Variants in NEK10 observed in about 807,000 individuals in gnomAD.
The protein encoded by NEK10 is serine/threonine-protein kinase Nek10.
NEK10 carries 122 observed loss-of-function variants against 159.8 expected under a neutral mutation model. The observed-to-expected ratio is 0.76, with a 90% CI of 0.66 to 0.89. The LOEUF is 0.89. Among genes scored for constraint, NEK10 ranks in the 40% least tolerant of loss-of-function variants. The pLI is 0.00. For synonymous variants in NEK10, 466 were observed against 457.1 expected (o/e 1.02, Z -0.25); for missense variants, 1,342 against 1,323.1 (o/e 1.01, Z -0.22).
At chr3:27,131,300 G>A (rs1487323479) in intron 32 of NEK10, among the ~76,000 whole-genome samples, 1 of 152,026 alleles carries the variant, frequency 6.6e-6, no homozygotes, top group East Asian at 1.9e-4. Flanking sequence ...CAGGACAAAG[G>A]GATTTTCCAA....
At chr3:27,345,971 G>GTAA (rs56104872) in intron 4 of NEK10, 115 bp downstream of exon 4, 86 of 901,754 alleles carry the variant, frequency 9.5e-5, no homozygotes, top group African/African-American at 4.0e-4. Context: ...ATTAAGAATC[G>GTAA]CTATGGTAAA....
At chr3:27,291,197 G>A (rs113815698) in intron 18 of NEK10, 65 bp downstream of exon 18, 4 of 1,422,722 alleles carry the variant, frequency 2.8e-6, no homozygotes, top group Admixed American at 2.1e-5. Context: ...ATTGAATATC[G>A]GTGTGCAAGT....
At chr3:27,167,125 C>A (rs180777566) in intron 29 of NEK10, among the ~76,000 whole-genome samples, 190 of 151,812 alleles carry the variant, frequency 1.3e-3, no homozygotes, top group African/African-American at 4.3e-3. Flanking sequence ...AGAAGGCAAG[C>A]AGACGTGGAG....
chr3:27,347,564 A>C (rs895099457), intron 3 of NEK10, among the ~76,000 whole-genome samples: 6 of 151,454 alleles, frequency 4.0e-5, no homozygotes, highest in Non-Finnish European at 7.4e-5. Flanking sequence ...AATATGCCTG[A>C]CTTTTTATAA....
At chr3:27,294,989 C>A (rs929866326) in intron 15 of NEK10, among the ~76,000 whole-genome samples, 3 of 152,076 alleles carry the variant, frequency 2.0e-5, no homozygotes, top group Non-Finnish European at 4.4e-5. Flanking sequence ...GCAGCTCACC[C>A]TTTACTCAGC....
At chr3:27,332,957 C>CA (rs1291006258) in intron 5 of NEK10, among the ~76,000 whole-genome samples, 1 of 152,176 alleles carries the variant, frequency 6.6e-6, no homozygotes, top group Non-Finnish European at 1.5e-5. Flanking sequence ...CCAGGAGTAA[C>CA]AATTCAAGAG....
At chr3:27,230,056 AG>A (rs1276490750) in intron 23 of NEK10, among the ~76,000 whole-genome samples, 1 of 152,086 alleles carries the variant, frequency 6.6e-6, no homozygotes, top group African/African-American at 2.4e-5. Context: ...TCATCACAAA[AG>A]CACATAGTTA....
chr3:27,313,644 T>C (rs1424136683), intron 7 of NEK10, among the ~76,000 whole-genome samples: 4 of 152,152 alleles, frequency 2.6e-5, no homozygotes, highest in African/African-American at 9.7e-5. Flanking sequence ...TATGCATATA[T>C]ATATACATAT....
intron 5 of NEK10, among the ~76,000 whole-genome samples, chr3:27,324,647 A>C (rs1000398393): frequency 7.9e-5 from 12 of 152,088 alleles, no homozygotes; most frequent in Non-Finnish European, 1.8e-4. Flanking sequence ...GAGCCATTGC[A>C]AAAGCCTCCT....
intron 5 of NEK10, among the ~76,000 whole-genome samples, chr3:27,326,177 G>T (rs970130610): frequency 2.0e-5 from 3 of 152,170 alleles, no homozygotes; most frequent in African/African-American, 7.2e-5. Context: ...TTATTCTAAA[G>T]CTCCTAATAC....
intron 26 of NEK10, among the ~76,000 whole-genome samples, chr3:27,186,866 G>A (rs938140466): frequency 9.2e-5 from 14 of 152,176 alleles, no homozygotes; most frequent in African/African-American, 3.4e-4. Flanking sequence ...TGGGCTGTGT[G>A]TGGTGTGGAT....
At chr3:27,114,961 G>A (rs997676535) in intron 35 of NEK10, among the ~76,000 whole-genome samples, 2 of 152,106 alleles carry the variant, frequency 1.3e-5, no homozygotes, top group Non-Finnish European at 1.5e-5. Context: ...AAAGCACGCT[G>A]GCAGATTTCT....
intron 22 of NEK10, among the ~76,000 whole-genome samples, chr3:27,281,735 A>G (rs978778111): frequency 6.6e-6 from 1 of 152,238 alleles, no homozygotes; most frequent in Middle Eastern, 3.4e-3. Context: ...GGAGTCTACA[A>G]TCGGAAGACC....
In NEK10 at chr3:27,331,262, A is replaced by AAAAAAAAAAACAC; in HGVS notation, c.363-9002_363-9001insGTGTTTTTTTTTT. On this transcript the variant is annotated intron_variant, in intron 5 of 35. Transcript: ENST00000691995. Reference sequence around the variant, plus strand: ...CAAAAAAAAAAAAACAAAAAAAAAAAACACACAAACCTAAGACTTTTGAGG... The same window carrying AAAAAAAAAAACAC: ...CAAAAAAAAAAAAACAAAAAAAAAAAAAAAAAAAAACACACACACAAACCTAAGACTTTTGAGG... Among the ~76,000 whole-genome samples, 145 of 110,106 alleles carry AAAAAAAAAAACAC rather than the reference A, an allele frequency of 1.3e-3. 5 individuals carry two copies. The highest frequency in any genetic ancestry group is 2.7e-3 in the South Asian group (8 of 2,962). 72.2% of individuals were successfully genotyped at this position (110,106 alleles called of 152,430 possible). A position where few individuals can be genotyped will look rare whatever the true frequency, so the allele number is the denominator to read the frequency against.
chr3:27,258,215 G>A (rs1270353605), intron 22 of NEK10, among the ~76,000 whole-genome samples: 2 of 151,978 alleles, frequency 1.3e-5, no homozygotes, highest in Non-Finnish European at 2.9e-5. Context: ...TGTCATGTAT[G>A]TATTATATAT....
At chr3:27,117,451 A>C (rs1364915605) in intron 33 of NEK10, among the ~76,000 whole-genome samples, 1 of 152,204 alleles carries the variant, frequency 6.6e-6, no homozygotes, top group Non-Finnish European at 1.5e-5. Flanking sequence ...GCAACAGTGT[A>C]AAAGCATTCC....
At chr3:27,187,987 T>G (rs1267300883) in intron 26 of NEK10, among the ~76,000 whole-genome samples, 1 of 152,202 alleles carries the variant, frequency 6.6e-6, no homozygotes, top group Non-Finnish European at 1.5e-5. Context: ...TTTTTGGTCC[T>G]GGGGCTGTCC....
chr3:27,126,376 A>C (rs1477492980), intron 32 of NEK10, among the ~76,000 whole-genome samples: 5 of 152,208 alleles, frequency 3.3e-5, no homozygotes, highest in Non-Finnish European at 7.4e-5. Flanking sequence ...CAGCATCAGT[A>C]ACATAAGGGA....
At chr3:27,233,231 G>A (rs1953499642) in intron 23 of NEK10, among the ~76,000 whole-genome samples, 2 of 151,996 alleles carry the variant, frequency 1.3e-5, no homozygotes, top group Non-Finnish European at 2.9e-5. Context: ...AGTGGGCAAA[G>A]CACATGAATA....
Sources: gnomAD v4.1 joint callset for allele counts (sites outside exome capture counted in the v4.1 genomes callset) on GRCh38, gnomAD v4.1.1 for gene constraint, MANE v1.5 for transcripts, NCBI Gene and HGNC (gene_info 2026-07-23, HGNC 2026-07-21) for gene names.